Variants in METAP1D observed in about 807,000 individuals in gnomAD.
METAP1D encodes methionyl aminopeptidase type 1D, mitochondrial, also known as methionine aminopeptidase 1D, mitochondrial.
METAP1D carries 31 observed loss-of-function variants against 40.5 expected under a neutral mutation model. The observed-to-expected ratio is 0.77, with a 90% CI of 0.58 to 1.03. The LOEUF is 1.03. Among genes scored for constraint, METAP1D ranks in the 50% least tolerant of loss-of-function variants. The pLI is 0.00. For missense variants in METAP1D, 411 were observed against 420.7 expected, an observed-to-expected ratio of 0.98 and a Z score of 0.20; for synonymous variants, 151 against 146.4, an observed-to-expected ratio of 1.03 and a Z score of -0.22.
At chr2:172,042,747 A>G (rs1264628125) in intron 1 of METAP1D, among the ~76,000 whole-genome samples, 7 of 4,544 alleles carry the variant, frequency 1.5e-3, no homozygotes, top group South Asian at 0.029. Flanking sequence ...GTGTGTGTAT[A>G]TGTACACATA....
At chr2:172,019,780 T>C (rs1688964027) in intron 1 of METAP1D, among the ~76,000 whole-genome samples, 1 of 152,194 alleles carries the variant, frequency 6.6e-6, no homozygotes, top group South Asian at 2.1e-4. Flanking sequence ...CAAGTACCAT[T>C]TGATTTAGAC....
chr2:172,075,926 T>A (rs1194543211), intron 6 of METAP1D, among the ~76,000 whole-genome samples: 1 of 152,202 alleles, frequency 6.6e-6, no homozygotes, highest in Non-Finnish European at 1.5e-5. Context: ...ATGATACTCC[T>A]GGAGCCAGAA....
intron 1 of METAP1D, among the ~76,000 whole-genome samples, chr2:172,014,566 C>T (rs1688808614): frequency 6.6e-6 from 1 of 152,178 alleles, no homozygotes; most frequent in African/African-American, 2.4e-5. Context: ...CCTGTTCTGA[C>T]CAAGAAGTTG....
chr2:172,073,681 T>C lies in METAP1D; in HGVS notation c.704+2611T>C, dbSNP rs540050707. On this transcript the variant is annotated intron_variant, in intron 6 of 9. Coordinates refer to ENST00000315796, the MANE Select transcript of METAP1D (RefSeq NM_199227.3). ...TGTTCTGATGTGTTAAAGCAGTGTT[T>C]CTGGACACCTATTATCTTGCCTTTT... 8.7e-4 allele frequency among the ~76,000 whole-genome samples: 132 copies of C among 152,352 alleles called. 1 individual carries two copies. Among genetic ancestry groups the C allele is most frequent in the Non-Finnish European group, 1.6e-3 (111 of 68,026 alleles).
intron 1 of METAP1D, among the ~76,000 whole-genome samples, chr2:172,013,590 G>A (rs1321363619): frequency 6.6e-6 from 1 of 152,102 alleles, no homozygotes; most frequent in Non-Finnish European, 1.5e-5. Flanking sequence ...GGGAGAAGAA[G>A]TAGGCAAGGA....
chr2:172,003,400 T>C (rs1218389098), intron 1 of METAP1D, among the ~76,000 whole-genome samples: 1 of 152,164 alleles, frequency 6.6e-6, no homozygotes, highest in East Asian at 1.9e-4. Flanking sequence ...TCCCAGTGAA[T>C]ATGAAGAGGA....
chr2:172,016,104 A>C (rs1473103055), intron 1 of METAP1D, among the ~76,000 whole-genome samples: 7 of 147,340 alleles, frequency 4.8e-5, no homozygotes, highest in Non-Finnish European at 4.5e-5. Context: ...CAAAAAAAAA[A>C]AAACAAAAAA....
intron 1 of METAP1D, among the ~76,000 whole-genome samples, chr2:172,012,587 C>T (rs1457126658): frequency 1.3e-5 from 2 of 152,132 alleles, no homozygotes; most frequent in African/African-American, 4.8e-5. Context: ...ATCACAGCTG[C>T]GGAAGACAGT....
At chr2:172,026,137 T>C (rs1468268558) in intron 1 of METAP1D, among the ~76,000 whole-genome samples, 1 of 152,214 alleles carries the variant, frequency 6.6e-6, no homozygotes, top group Non-Finnish European at 1.5e-5. Flanking sequence ...GATATGTCTC[T>C]AATCGTTTAT....
intron 1 of METAP1D, among the ~76,000 whole-genome samples, chr2:172,012,582 A>G (rs1224204473): frequency 1.3e-5 from 2 of 152,198 alleles, no homozygotes; most frequent in African/African-American, 2.4e-5. Context: ...GAAAAATCAC[A>G]GCTGCGGAAG....
rs1574118776 is a variant in METAP1D at position 172,042,843 on chromosome 2, G to GTGTGTGTATATGTACACATATACGTA, written c.41-18644_41-18643insGTACACATATACGTATGTGTGTATAT. ...TGTGTGTATATGTACACATATACGTGTGTGTGTATATATGTACATATATGT... is the reference window on the plus strand; with the variant it reads ...TGTGTGTATATGTACACATATACGTGTGTGTGTATATGTACACATATACGTATGTGTGTATATATGTACATATATGT... On this transcript the variant is annotated intron_variant, in intron 1 of 9. Coordinates refer to ENST00000315796, the MANE Select transcript of METAP1D (RefSeq NM_199227.3). Among the ~76,000 whole-genome samples the GTGTGTGTATATGTACACATATACGTA allele has an allele frequency of 4.8e-3, 57 of 11,980 alleles. 23 individuals are homozygous for GTGTGTGTATATGTACACATATACGTA. The highest frequency in any genetic ancestry group is 8.4e-3 in the Admixed American group (7 of 838). The allele number at this position is 11,980 out of a possible 152,430, so 7.9% of individuals were successfully genotyped here. A position where few individuals can be genotyped will look rare whatever the true frequency, so the allele number is the denominator to read the frequency against.
rs1445809758 is a variant in METAP1D at position 172,080,343 on chromosome 2, G to A, written c.945G>A (p.Glu315=). Reference sequence around the variant, plus strand: ...TGTGTTACAGGTCGGCGCAGTTCGAGCACACGGTTCTGATCACGTCGAGGG... The same window carrying A: ...TGTGTTACAGGTCGGCGCAGTTCGAACACACGGTTCTGATCACGTCGAGGG... ...SLDNQRSAQF[E]HTVLITSRGA... Residue 315 remains glutamate, a synonymous_variant, in exon 10 of 10, where the codon GAG becomes GAA. Transcript: ENST00000315796. 23 of 1,614,092 alleles carry A rather than the reference G, an allele frequency of 1.4e-5. No individual in the cohort carries two copies. Among genetic ancestry groups the A allele is most frequent in the Non-Finnish European group, 1.9e-5 (23 of 1,179,916 alleles).
chr2:172,016,872 A>G (rs185350384), intron 1 of METAP1D, among the ~76,000 whole-genome samples: 1 of 151,682 alleles, frequency 6.6e-6, no homozygotes. Context: ...ATCTTTGCAT[A>G]TGCTATTCCT....
intron 1 of METAP1D, among the ~76,000 whole-genome samples, chr2:172,045,811 GTGTGTGTGTATATATA>G (rs1157930693): frequency 2.7e-4 from 14 of 51,728 alleles, no homozygotes; most frequent in Non-Finnish European, 3.7e-4. Flanking sequence ...GTGTGTGTGT[GTGTGTGTGTATATATA>G]TATATATATA....
chr2:172,047,384 C>G (rs1689784801), intron 1 of METAP1D, among the ~76,000 whole-genome samples: 1 of 152,066 alleles, frequency 6.6e-6, no homozygotes, highest in South Asian at 2.1e-4. Flanking sequence ...AAGTTTATGG[C>G]TAAGCACAGC....
At chr2:172,025,260 G>A (rs1689097970) in intron 1 of METAP1D, among the ~76,000 whole-genome samples, 1 of 152,154 alleles carries the variant, frequency 6.6e-6, no homozygotes, top group South Asian at 2.1e-4. Flanking sequence ...AGGATATATG[G>A]TGTAGATGTG....
chr2:172,046,407 G>A (rs1438596671), intron 1 of METAP1D, among the ~76,000 whole-genome samples: 1 of 152,064 alleles, frequency 6.6e-6, no homozygotes, highest in East Asian at 1.9e-4. Flanking sequence ...AAGTGTGGGA[G>A]GCAGTGAACT....
chr2:172,073,944 T>C (rs1690481683), intron 6 of METAP1D, among the ~76,000 whole-genome samples: 1 of 152,234 alleles, frequency 6.6e-6, no homozygotes, highest in Non-Finnish European at 1.5e-5. Flanking sequence ...CAGGAAATTT[T>C]GGAATTCTCC....
chr2:172,015,028 G>A (rs910454561), intron 1 of METAP1D, among the ~76,000 whole-genome samples: 5 of 152,182 alleles, frequency 3.3e-5, no homozygotes, highest in African/African-American at 1.2e-4. Flanking sequence ...ATTTTGCAAA[G>A]TAGATTTTTT....
Sources: allele counts gnomAD v4.1 joint callset (sites outside exome capture counted in the v4.1 genomes callset), GRCh38; gene constraint gnomAD v4.1.1; transcripts MANE v1.5; gene names NCBI Gene and HGNC (gene_info 2026-07-23, HGNC 2026-07-21).